The following CSMD1 variants were observed in gnomAD, a reference collection of about 807,000 sequenced individuals.
The protein encoded by CSMD1 is CUB and Sushi multiple domains 1.
In CSMD1, 213 loss-of-function variants were observed where a neutral mutation model predicts 417.5. The ratio of observed to expected loss-of-function variants is 0.51; its 90% CI spans 0.46 to 0.57. The LOEUF is 0.57. CSMD1 is among the 20% of genes least tolerant of loss of function. The pLI, the probability that CSMD1 is intolerant of heterozygous loss-of-function variation, is 0.00. For missense variants in CSMD1, 6,923 were observed against 4,529.7 expected, an observed-to-expected ratio of 1.53 and a Z score of -15.17; for synonymous variants, 2,862 against 1,736.8, an observed-to-expected ratio of 1.65 and a Z score of -16.11.
intron 52 of CSMD1, among the ~76,000 whole-genome samples, chr8:3,010,126 C>T (rs564283049): frequency 2.6e-5 from 4 of 152,270 alleles, no homozygotes; most frequent in South Asian, 2.1e-4. Context: ...ACCGCAGGTG[C>T]GCATCTTCCA....
At chr8:3,268,396 C>T (rs1801593988) in intron 26 of CSMD1, among the ~76,000 whole-genome samples, 1 of 146,040 alleles carries the variant, frequency 6.8e-6, no homozygotes, top group South Asian at 2.2e-4. Flanking sequence ...TCACACCATT[C>T]TCCTGCCTCA....
intron 10 of CSMD1, among the ~76,000 whole-genome samples, chr8:3,541,795 CA>C (rs1798451475): frequency 6.7e-6 from 1 of 150,362 alleles, no homozygotes; most frequent in South Asian, 2.1e-4. Flanking sequence ...TTTTAAAAAA[CA>C]AAAAATTTGT....
At chr8:4,469,880 T>G (rs1025384416) in intron 2 of CSMD1, among the ~76,000 whole-genome samples, 6 of 151,710 alleles carry the variant, frequency 4.0e-5, no homozygotes, top group African/African-American at 1.2e-4. Context: ...TTTTTTTTTT[T>G]TATTTGAGAC....
intron 6 of CSMD1, among the ~76,000 whole-genome samples, chr8:3,721,864 T>C (rs554583091): frequency 2.0e-5 from 3 of 152,170 alleles, no homozygotes; most frequent in Non-Finnish European, 4.4e-5. Flanking sequence ...ATGAAGAAAA[T>C]AGCAGAGAAT....
At chr8:3,892,191 G>A (rs1395854575) in intron 5 of CSMD1, among the ~76,000 whole-genome samples, 1 of 152,156 alleles carries the variant, frequency 6.6e-6, no homozygotes, top group African/African-American at 2.4e-5. Context: ...TGCTTCCAAT[G>A]TGTAGCCCTA....
intron 1 of CSMD1, among the ~76,000 whole-genome samples, chr8:4,710,897 T>C (rs1013432281): frequency 6.6e-6 from 1 of 151,714 alleles, no homozygotes; most frequent in Non-Finnish European, 1.5e-5. Context: ...AAAAAAGACT[T>C]ACATAACTAG....
Position 3,967,942 on chromosome 8 carries a change from C to T in CSMD1, c.818+29961G>A, listed in dbSNP as rs890517277. Among the ~76,000 whole-genome samples, 16 of 144,826 alleles carry T rather than the reference C, an allele frequency of 1.1e-4. No homozygotes were observed. The East Asian group carries it at 1.3e-3, about 11-fold the overall frequency. ...CAGCACTTTGGGAGGCCGAGGTGTG[C>T]GGATCACGAGGTCAGGAGATCGAGA... On this transcript the variant is annotated intron_variant, in intron 5 of 69. Coordinates refer to ENST00000635120, the MANE Select transcript of CSMD1 (RefSeq NM_033225.6).
chr8:4,807,539 G>C (rs1798660205), intron 1 of CSMD1, among the ~76,000 whole-genome samples: 1 of 152,144 alleles, frequency 6.6e-6, no homozygotes, highest in Admixed American at 6.5e-5. Flanking sequence ...CAGGACACCA[G>C]TACGTGTTCA....
intron 26 of CSMD1, among the ~76,000 whole-genome samples, chr8:3,272,074 T>C (rs181948738): frequency 0.075 from 11,188 of 148,850 alleles, 556 homozygotes; most frequent in Middle Eastern, 0.11. Flanking sequence ...GTCTAATGTT[T>C]AAGTCTTTAA....
chr8:3,484,094 C>G (rs539109744), intron 11 of CSMD1, among the ~76,000 whole-genome samples: 1 of 152,228 alleles, frequency 6.6e-6, no homozygotes, highest in Non-Finnish European at 1.5e-5. Context: ...TACTCTCAAA[C>G]TTATATAGAT....
intron 1 of CSMD1, among the ~76,000 whole-genome samples, chr8:4,817,455 C>T (rs545156080): frequency 6.6e-6 from 1 of 152,370 alleles, no homozygotes; most frequent in African/African-American, 2.4e-5. Flanking sequence ...GCAAGACGCA[C>T]CTTCTCTAGG....
chr8:4,447,728 G>C (rs903003447), intron 2 of CSMD1, among the ~76,000 whole-genome samples: 8 of 152,056 alleles, frequency 5.3e-5, no homozygotes, highest in African/African-American at 1.9e-4. Flanking sequence ...CCAAAATTAA[G>C]TCTCCAAATT....
At chr8:4,140,575 G>A (rs772181630) in intron 3 of CSMD1, among the ~76,000 whole-genome samples, 1 of 150,960 alleles carries the variant, frequency 6.6e-6, no homozygotes, top group Non-Finnish European at 1.5e-5. Context: ...GGCTAAGGTG[G>A]GAAGACTGCT....
chr8:3,386,138 T>G (rs568764113), intron 18 of CSMD1, among the ~76,000 whole-genome samples: 1 of 152,164 alleles, frequency 6.6e-6, no homozygotes, highest in East Asian at 1.9e-4. Context: ...GTTGATGTAT[T>G]AGAATTATAA....
intron 8 of CSMD1, among the ~76,000 whole-genome samples, chr8:3,602,317 G>C (rs1017261027): frequency 1.3e-5 from 2 of 152,116 alleles, no homozygotes; most frequent in African/African-American, 4.8e-5. Context: ...GCAGATCAAT[G>C]AACACTAACT....
At chr8:3,461,512 C>A (rs764374532) in intron 12 of CSMD1, among the ~76,000 whole-genome samples, 1 of 152,172 alleles carries the variant, frequency 6.6e-6, no homozygotes, top group Non-Finnish European at 1.5e-5. Context: ...TGATTGAGAT[C>A]TCTGCTCCCC....
At chr8:4,177,175 T>TG (rs1261207999) in intron 3 of CSMD1, among the ~76,000 whole-genome samples, 17 of 152,120 alleles carry the variant, frequency 1.1e-4, no homozygotes, top group African/African-American at 3.9e-4. Flanking sequence ...ACCACATAGC[T>TG]GGAAGTAAAG....
intron 3 of CSMD1, among the ~76,000 whole-genome samples, chr8:4,054,792 C>T (rs1007158071): frequency 2.0e-5 from 3 of 152,078 alleles, no homozygotes; most frequent in African/African-American, 4.8e-5. Flanking sequence ...AGTGGACGAA[C>T]AACAATGGAA....
At chr8:4,844,832 T>G (rs1451543995) in intron 1 of CSMD1, among the ~76,000 whole-genome samples, 1 of 152,108 alleles carries the variant, frequency 6.6e-6, no homozygotes, top group South Asian at 2.1e-4. Flanking sequence ...AAACCAGCCT[T>G]AAAAATTTAA....
Sources: allele counts gnomAD v4.1 joint callset (sites outside exome capture counted in the v4.1 genomes callset), GRCh38; gene constraint gnomAD v4.1.1; transcripts MANE v1.5; gene names NCBI Gene and HGNC (gene_info 2026-07-23, HGNC 2026-07-21).